SKAP1: variants seen among roughly 807,000 people sequenced by gnomAD.
The protein encoded by SKAP1 is src kinase associated phosphoprotein 1.
SKAP1 carries 44 observed loss-of-function variants against 58.5 expected under a neutral mutation model. The observed-to-expected ratio is 0.75, with a 90% confidence interval of 0.59 to 0.97. The LOEUF (loss-of-function observed/expected upper bound fraction) is 0.97. Among genes scored for constraint, SKAP1 ranks in the 50% least tolerant of loss-of-function variants. The probability of loss-of-function intolerance (pLI) is 0.00; values close to 1 mark genes in which losing one functional copy is unlikely to be tolerated. For missense variants in SKAP1, 390 were observed against 435.2 expected (o/e 0.90, Z 0.92); for synonymous variants, 127 against 149.7 (o/e 0.85, Z 1.11).
intron 9 of SKAP1, among the ~76,000 whole-genome samples, chr17:48,176,755 G>T (rs1173657702): frequency 1.3e-5 from 2 of 152,196 alleles, no homozygotes; most frequent in African/African-American, 4.8e-5. Context: ...TGATTAATGT[G>T]ATGGAGTGAG....
At chr17:48,213,749 A>G (rs998794015) in intron 4 of SKAP1, among the ~76,000 whole-genome samples, 2 of 152,240 alleles carry the variant, frequency 1.3e-5, no homozygotes, top group Non-Finnish European at 2.9e-5. Context: ...GATATTTGCC[A>G]CTGTTTTCAC....
intron 4 of SKAP1, among the ~76,000 whole-genome samples, chr17:48,239,846 G>GAA (rs71141975): frequency 4.8e-5 from 3 of 62,780 alleles, no homozygotes. Flanking sequence ...GAGAGAGAGA[G>GAA]AGACAGAGAG....
intron 4 of SKAP1, among the ~76,000 whole-genome samples, chr17:48,282,502 G>A (rs1420268358): frequency 1.3e-5 from 2 of 152,168 alleles, no homozygotes; most frequent in African/African-American, 4.8e-5. Context: ...GGCTGGGCAA[G>A]GTGACTCATG....
chr17:48,424,881 G>A, intron 1 of SKAP1, among the ~76,000 whole-genome samples: 1 of 147,838 alleles, frequency 6.8e-6, no homozygotes, highest in East Asian at 2.0e-4. Context: ...GCAGTGAGCT[G>A]AGATCACTCC....
At chr17:48,384,703 G>T (rs1230136334) in intron 2 of SKAP1, among the ~76,000 whole-genome samples, 2 of 152,180 alleles carry the variant, frequency 1.3e-5, no homozygotes, top group African/African-American at 4.8e-5. Context: ...AAGCAGAATG[G>T]CTTATAGATC....
At chr17:48,434,233 T>A (rs759092607), upstream of SKAP1, among the ~76,000 whole-genome samples, 5 of 152,188 alleles carry the variant, frequency 3.3e-5, no homozygotes, top group Non-Finnish European at 5.9e-5. Flanking sequence ...GCACACTTCA[T>A]TAAGAGATGT....
intron 4 of SKAP1, among the ~76,000 whole-genome samples, chr17:48,285,630 A>G (rs62997260): frequency 3.9e-4 from 56 of 144,384 alleles, no homozygotes; most frequent in East Asian, 2.8e-3. Flanking sequence ...AAAAAAAAAA[A>G]GGGGAGCCCC....
chr17:48,436,695 C>T, the SKAP1 span, among the ~76,000 whole-genome samples: 2 of 152,102 alleles, frequency 1.3e-5, no homozygotes, highest in African/African-American at 4.8e-5. Flanking sequence ...CTCCAACTCT[C>T]ATCCTTTCCT....
upstream of SKAP1, among the ~76,000 whole-genome samples, chr17:48,431,734 A>G (rs1446387937): frequency 6.6e-6 from 1 of 152,186 alleles, no homozygotes; most frequent in African/African-American, 2.4e-5. Context: ...CTATTCTCAG[A>G]CTCAACCTAC....
chr17:48,156,823 G>A (rs2063983989), intron 11 of SKAP1, among the ~76,000 whole-genome samples: 2 of 152,158 alleles, frequency 1.3e-5, no homozygotes, highest in South Asian at 4.1e-4. Context: ...TGTCAGGGAC[G>A]AAAGCTCTCA....
chr17:48,137,454 G>A lies in SKAP1; in HGVS notation c.979-117C>T, dbSNP rs112658942. On this transcript the variant is annotated intron_variant, in intron 11 of 12. Transcript: ENST00000336915. ...GTTTCATTGTTGCCATTATCACTGTGAACTGTTAACTTCCCTGATGGGATT... is the reference window on the plus strand; with the variant it reads ...GTTTCATTGTTGCCATTATCACTGTAAACTGTTAACTTCCCTGATGGGATT... 2.3e-4 allele frequency: 158 copies of A among 673,386 alleles called. No individual in the cohort carries two copies. In the African/African-American group the frequency reaches 2.7e-3, roughly 11 times the overall value. The allele number at this position is 673,386 out of a possible 1,614,324, so 41.7% of individuals were successfully genotyped here. A position where few individuals can be genotyped will look rare whatever the true frequency, so the allele number is the denominator to read the frequency against.
At chr17:48,290,168 C>T (rs2065882411) in intron 4 of SKAP1, among the ~76,000 whole-genome samples, 1 of 151,972 alleles carries the variant, frequency 6.6e-6, no homozygotes, top group Non-Finnish European at 1.5e-5. Context: ...GATAACAATT[C>T]GTCTATGAGG....
rs1424435613 is a variant in SKAP1, at chr17:48,255,154, G to T, written c.281-65654C>A. 2.6e-5 allele frequency among the ~76,000 whole-genome samples: 4 copies of T among 152,162 alleles called. No homozygotes were observed. The East Asian group carries it at 7.7e-4, about 29-fold the overall frequency. On this transcript the variant is annotated intron_variant, in intron 4 of 12. Coordinates refer to ENST00000336915, the MANE Select transcript of SKAP1 (RefSeq NM_003726.4). ...CTTGGTGAAGAAAGGAAGAGGAAAA[G>T]AGTCTGAAACCTCTTATTGGGCTTA...
chr17:48,325,248 CAAAAAAA>C (rs200281665), intron 4 of SKAP1, among the ~76,000 whole-genome samples: 6 of 91,460 alleles, frequency 6.6e-5, no homozygotes, highest in Non-Finnish European at 1.3e-4. Flanking sequence ...GACTCCGTCT[CAAAAAAA>C]AAAAAAAAAA....
intron 4 of SKAP1, chr17:48,307,693 T>C (rs2144161026): frequency 6.6e-6 from 1 of 152,366 alleles, no homozygotes; most frequent in East Asian, 1.9e-4. Context: ...GATTTCTTTA[T>C]TGAATTACAA....
At chr17:48,185,034 C>A (rs2064428930) in intron 6 of SKAP1, 187 bp from the exon 7 acceptor site, 1 of 547,858 alleles carries the variant, frequency 1.8e-6, no homozygotes, top group Non-Finnish European at 3.2e-6. Flanking sequence ...GATATCACTG[C>A]CAAGCTAGGG....
intron 1 of SKAP1, among the ~76,000 whole-genome samples, chr17:48,425,263 G>A (rs2067843910): frequency 6.6e-6 from 1 of 151,648 alleles, no homozygotes; most frequent in Non-Finnish European, 1.5e-5. Flanking sequence ...ATCTCAAAAA[G>A]AAACGAAAAC....
rs959546376 is a variant in SKAP1 at position 48,198,666 on chromosome 17, GA to G, written c.281-9167del. Among the ~76,000 whole-genome samples the G allele has an allele frequency of 3.9e-4, 58 of 149,868 alleles. No individual in the cohort carries two copies. In the South Asian group the frequency reaches 6.3e-3, roughly 16 times the overall value. On this transcript the variant is annotated intron_variant, in intron 4 of 12. Coordinates refer to ENST00000336915, the MANE Select transcript of SKAP1 (RefSeq NM_003726.4). ...AATTCCCACAGTGCTTTATTTACTTGAAAAAAAAAATTGTGTTCCTTCAAAA... is the reference window on the plus strand; with the variant it reads ...AATTCCCACAGTGCTTTATTTACTTGAAAAAAAAATTGTGTTCCTTCAAAA...
chr17:48,429,813 T>A (rs1421855800), intron 1 of SKAP1, among the ~76,000 whole-genome samples: 1 of 152,046 alleles, frequency 6.6e-6, no homozygotes, highest in East Asian at 1.9e-4. Flanking sequence ...GAACCTGGCC[T>A]GAGGACTTTA....
Sources: allele counts gnomAD v4.1 joint callset (sites outside exome capture counted in the v4.1 genomes callset), GRCh38; gene constraint gnomAD v4.1.1; transcripts MANE v1.5; gene names NCBI Gene and HGNC (gene_info 2026-07-23, HGNC 2026-07-21).